Variants in RB1CC1 observed in about 807,000 individuals in gnomAD.
The protein encoded by RB1CC1 is RB1 inducible coiled-coil 1, also known as RB1-inducible coiled-coil protein 1.
RB1CC1 carries 46 observed loss-of-function variants against 177.5 expected under a neutral mutation model. The observed-to-expected ratio is 0.26, with a 90% CI of 0.20 to 0.33. The LOEUF (loss-of-function observed/expected upper bound fraction) is 0.33, where lower values mean the gene tolerates loss of function less well. RB1CC1 is among the 10% of genes least tolerant of loss of function. RB1CC1 has a pLI of 1.00. For missense variants in RB1CC1, 1,703 were observed against 1,816.3 expected, an observed-to-expected ratio of 0.94 and a Z score of 1.13; for synonymous variants, 666 against 613.6, an observed-to-expected ratio of 1.09 and a Z score of -1.26.
chr8:52,641,503 T>C (rs1448745215), intron 18 of RB1CC1, among the ~76,000 whole-genome samples: 1 of 150,894 alleles, frequency 6.6e-6, no homozygotes, highest in Non-Finnish European at 1.5e-5. Flanking sequence ...GATGGAAAAA[T>C]AAGGGATGAT....
rs547415839 is a variant in RB1CC1, at chr8:52,623,199, A to C, written c.*583T>G. ...TCTTAAAATCAGTCAATCAAATTAC[A>C]GTTCCTTTTTTTTTTTGAAACATCA... On this transcript the variant is annotated 3_prime_UTR_variant, in exon 24 of 24. Coordinates refer to ENST00000025008, the MANE Select transcript of RB1CC1 (RefSeq NM_014781.5). 8 of 140,704 alleles carry C rather than the reference A, an allele frequency of 5.7e-5. No homozygotes were observed. In the South Asian group the frequency reaches 1.8e-3, roughly 32 times the overall value. 8.7% of individuals were successfully genotyped at this position (140,704 alleles called of 1,614,324 possible).
chr8:52,649,237 T>C (rs935538638), intron 15 of RB1CC1, among the ~76,000 whole-genome samples: 1 of 152,192 alleles, frequency 6.6e-6, no homozygotes, highest in African/African-American at 2.4e-5. Context: ...TAATCCTGTC[T>C]TTGCATACCT....
chr8:52,627,530 T>C (rs1310368830), intron 22 of RB1CC1, among the ~76,000 whole-genome samples: 1 of 152,142 alleles, frequency 6.6e-6, no homozygotes, highest in African/African-American at 2.4e-5. Flanking sequence ...AAAAATCAAA[T>C]AGATAATAGA....
At chr8:52,674,983 C>T (rs1331048161) in intron 6 of RB1CC1, among the ~76,000 whole-genome samples, 4 of 152,000 alleles carry the variant, frequency 2.6e-5, no homozygotes, top group Non-Finnish European at 5.9e-5. Context: ...ATGAAGATAA[C>T]TCTTGTACTC....
At chr8:52,624,684 C>G in intron 23 of RB1CC1, 33 bp downstream of exon 23, 1 of 1,509,536 alleles carries the variant, frequency 6.6e-7, no homozygotes, top group South Asian at 1.1e-5. Context: ...CTTTACAGTT[C>G]CCAGGCTTAG....
At chr8:52,679,022 C>A (rs1393514045) in intron 5 of RB1CC1, among the ~76,000 whole-genome samples, 1 of 152,138 alleles carries the variant, frequency 6.6e-6, no homozygotes, top group Non-Finnish European at 1.5e-5. Context: ...ACTACCACCC[C>A]ACACATACAA....
rs112283419 is a variant in RB1CC1, at chr8:52,647,614, C to T, written c.3822-1747G>A. Among the ~76,000 whole-genome samples the T allele has an allele frequency of 9.9e-4, 150 of 152,192 alleles. 1 individual carries two copies. Among genetic ancestry groups the T allele is most frequent in the African/African-American group, 3.2e-3 (131 of 41,528 alleles). On this transcript the variant is annotated intron_variant, in intron 15 of 23. Transcript: ENST00000025008. Reference sequence around the variant, plus strand: ...GGGTTTACAAAGAATCCTGCTTGGCCGATTTCTTCCTTGAAGAAATCTCCA... The same window carrying T: ...GGGTTTACAAAGAATCCTGCTTGGCTGATTTCTTCCTTGAAGAAATCTCCA...
intron 18 of RB1CC1, among the ~76,000 whole-genome samples, chr8:52,636,949 TAC>T (rs1330364247): frequency 1.3e-5 from 2 of 152,204 alleles, no homozygotes; most frequent in Admixed American, 6.5e-5. Context: ...ATTCCACTGA[TAC>T]AGTCAGGCTA....
intron 7 of RB1CC1, among the ~76,000 whole-genome samples, chr8:52,672,241 C>CA (rs1454545717): frequency 6.6e-6 from 1 of 152,152 alleles, no homozygotes; most frequent in African/African-American, 2.4e-5. Context: ...CTCAGCCTCC[C>CA]AAGTCACTGG....
intron 7 of RB1CC1, among the ~76,000 whole-genome samples, chr8:52,671,293 T>C (rs1315798772): frequency 6.6e-6 from 1 of 152,202 alleles, no homozygotes; most frequent in Non-Finnish European, 1.5e-5. Context: ...TACAAAATAC[T>C]GTTACAATTG....
chr8:52,684,934 T>C (rs1854122244), intron 3 of RB1CC1, among the ~76,000 whole-genome samples: 1 of 151,614 alleles, frequency 6.6e-6, no homozygotes, highest in African/African-American at 2.4e-5. Context: ...ACTAGTCTTT[T>C]AGAGAAAGAT....
At chr8:52,699,927 ATGTC>A (rs1436401089) in intron 1 of RB1CC1, among the ~76,000 whole-genome samples, 2 of 149,126 alleles carry the variant, frequency 1.3e-5, no homozygotes, top group Non-Finnish European at 3.0e-5. Context: ...CAGGATAAAA[ATGTC>A]TGAATGATGC....
At chr8:52,671,074 A>C (rs1192440906) in intron 7 of RB1CC1, among the ~76,000 whole-genome samples, 1 of 152,222 alleles carries the variant, frequency 6.6e-6, no homozygotes, top group Non-Finnish European at 1.5e-5. Flanking sequence ...GAAAAACAAT[A>C]ATTTACAAAA....
At chr8:52,634,204 C>T (rs1022137668) in intron 20 of RB1CC1, among the ~76,000 whole-genome samples, 1 of 151,984 alleles carries the variant, frequency 6.6e-6, no homozygotes, top group African/African-American at 2.4e-5. Context: ...TCTTGCCTTT[C>T]AGGCACTTTC....
chr8:52,671,396 G>C (rs1852583690), intron 7 of RB1CC1, among the ~76,000 whole-genome samples: 1 of 152,164 alleles, frequency 6.6e-6, no homozygotes. Flanking sequence ...TTGGAAAACA[G>C]TGCTACTGCG....
chr8:52,639,616 AT>A (rs1849411455), intron 18 of RB1CC1, among the ~76,000 whole-genome samples: 1 of 152,222 alleles, frequency 6.6e-6, no homozygotes, highest in South Asian at 2.1e-4. Context: ...ATACTTACAA[AT>A]AAAAAGAAGT....
rs1168072414 is a variant in RB1CC1, at chr8:52,656,744, G to T, written c.3085C>A (p.Gln1029Lys). The change falls in exon 15 of 24, where the codon CAA (glutamine) becomes AAA (lysine). Residue 1029 changes from glutamine to lysine, a missense_variant. Coordinates refer to ENST00000025008, the MANE Select transcript of RB1CC1 (RefSeq NM_014781.5). ...KENQQIINQI[Q>K]ESHAEIIQEK... Reference sequence around the variant, plus strand: ...TGGATAATTTCAGCATGAGATTCTTGTATTTGATTAATTATTTGTTGGTTT... The same window carrying T: ...TGGATAATTTCAGCATGAGATTCTTTTATTTGATTAATTATTTGTTGGTTT... The T allele has an allele frequency of 1.2e-6, 2 of 1,613,524 alleles. No homozygotes were observed. The highest frequency in any genetic ancestry group is 1.7e-5 in the Admixed American group (1 of 59,960).
chr8:52,667,887 A>T (rs1852210856), intron 8 of RB1CC1, 134 bp downstream of exon 8: 1 of 834,272 alleles, frequency 1.2e-6, no homozygotes, highest in South Asian at 2.7e-5. Flanking sequence ...TATTACAAGG[A>T]AACAATATTA....
At position 52,623,389 on chromosome 8, in the gene RB1CC1, T is replaced by G. The variant is rs530667209; in HGVS notation, c.*393A>C. 1 of 304,624 alleles carries G rather than the reference T, an allele frequency of 3.3e-6. No homozygotes were observed. The highest frequency in any genetic ancestry group is 2.9e-5 in the South Asian group (1 of 34,336). 18.9% of individuals were successfully genotyped at this position (304,624 alleles called of 1,614,324 possible). On this transcript the variant is annotated 3_prime_UTR_variant, in exon 24 of 24. Coordinates refer to ENST00000025008, the MANE Select transcript of RB1CC1 (RefSeq NM_014781.5). Reference sequence around the variant, plus strand: ...AGAGTGCAAGTATTCTGATACTGATTTCACAAAAGGACAAATGCTGGTAAT... The same window carrying G: ...AGAGTGCAAGTATTCTGATACTGATGTCACAAAAGGACAAATGCTGGTAAT...
Sources: allele counts gnomAD v4.1 joint callset (sites outside exome capture counted in the v4.1 genomes callset), GRCh38; gene constraint gnomAD v4.1.1; transcripts MANE v1.5; gene names NCBI Gene and HGNC (gene_info 2026-07-23, HGNC 2026-07-21).